GALNT18: variants seen among roughly 807,000 people sequenced by gnomAD.
The protein encoded by GALNT18 is GalNAc-transferase 18.
GALNT18 carries 44 observed loss-of-function variants against 69.5 expected under a neutral mutation model. The ratio of observed to expected loss-of-function variants is 0.63; its 90% CI spans 0.50 to 0.81. GALNT18 has a LOEUF of 0.81. Ranked by LOEUF, GALNT18 falls within the 40% of genes least tolerant of loss-of-function variation. GALNT18 has a pLI of 0.00. For synonymous variants in GALNT18, 364 were observed against 318.2 expected (o/e 1.14, Z -1.53); for missense variants, 715 against 810.0 (o/e 0.88, Z 1.42).
At chr11:11,611,850 A>G (rs1413050624) in intron 1 of GALNT18, among the ~76,000 whole-genome samples, 2 of 152,168 alleles carry the variant, frequency 1.3e-5, no homozygotes, top group Non-Finnish European at 2.9e-5. Flanking sequence ...AAGGCTGTCC[A>G]CAGCTTTGTG....
At chr11:11,580,765 C>T (rs1306545063) in intron 1 of GALNT18, among the ~76,000 whole-genome samples, 1 of 152,218 alleles carries the variant, frequency 6.6e-6, no homozygotes, top group Non-Finnish European at 1.5e-5. Context: ...ATCCCTAACT[C>T]ACTCCTGGGC....
intron 1 of GALNT18, among the ~76,000 whole-genome samples, chr11:11,528,390 C>G (rs1857566104): frequency 6.6e-6 from 1 of 152,098 alleles, no homozygotes; most frequent in Admixed American, 6.6e-5. Flanking sequence ...GACAAGTAAC[C>G]AAGGAGAGAA....
chr11:11,512,566 C>A (rs1010499646), intron 1 of GALNT18, among the ~76,000 whole-genome samples: 1 of 152,238 alleles, frequency 6.6e-6, no homozygotes, highest in Non-Finnish European at 1.5e-5. Flanking sequence ...CACATAGTTT[C>A]TTTCTGAGCC....
chr11:11,319,161 G>A (rs756217305), intron 9 of GALNT18, among the ~76,000 whole-genome samples: 11 of 152,038 alleles, frequency 7.2e-5, no homozygotes, highest in Admixed American at 3.9e-4. Context: ...TTGCTTAACC[G>A]TCTTACAAAG....
chr11:11,306,518 A>G (rs1849581811), intron 9 of GALNT18, among the ~76,000 whole-genome samples: 1 of 152,158 alleles, frequency 6.6e-6, no homozygotes, highest in African/African-American at 2.4e-5. Context: ...CCTGGGGAAA[A>G]TATAACCTGC....
At chr11:11,305,640 A>G (rs1849565115) in intron 9 of GALNT18, among the ~76,000 whole-genome samples, 2 of 152,096 alleles carry the variant, frequency 1.3e-5, no homozygotes, top group African/African-American at 2.4e-5. Flanking sequence ...TTTACTCATC[A>G]GTGGAAACAG....
intron 1 of GALNT18, among the ~76,000 whole-genome samples, chr11:11,537,040 T>C (rs35125862): frequency 0.16 from 24,149 of 152,212 alleles, 2,134 homozygotes; most frequent in Middle Eastern, 0.2. Flanking sequence ...TTATGTTTTA[T>C]ATAAAAATGA....
intron 2 of GALNT18, among the ~76,000 whole-genome samples, chr11:11,447,105 C>T (rs1450582632): frequency 2.0e-5 from 3 of 152,186 alleles, no homozygotes; most frequent in Non-Finnish European, 4.4e-5. Flanking sequence ...CTTACACACC[C>T]CATTCCAGCC....
At chr11:11,510,983 C>T (rs780089106) in intron 1 of GALNT18, among the ~76,000 whole-genome samples, 7 of 151,772 alleles carry the variant, frequency 4.6e-5, no homozygotes, top group Admixed American at 1.3e-4. Context: ...GGATGGTGCC[C>T]GGACAGACAC....
chr11:11,354,105 A>G (rs759633875), intron 6 of GALNT18, among the ~76,000 whole-genome samples: 2 of 152,230 alleles, frequency 1.3e-5, no homozygotes, highest in Non-Finnish European at 2.9e-5. Flanking sequence ...GGTATGCTAC[A>G]TCTTCTCTTA....
At chr11:11,472,698 A>G (rs1423898698) in intron 1 of GALNT18, among the ~76,000 whole-genome samples, 1 of 152,214 alleles carries the variant, frequency 6.6e-6, no homozygotes, top group East Asian at 1.9e-4. Flanking sequence ...TAAAAACACA[A>G]ACTAAATGCC....
In GALNT18 at chr11:11,564,860, G is replaced by C. The variant is rs1858603965; in HGVS notation, c.235+56499C>G. Among the ~76,000 whole-genome samples, 3 of 152,138 alleles carry C rather than the reference G, an allele frequency of 2.0e-5. No individual in the cohort carries two copies. Among genetic ancestry groups the C allele is most frequent in the Non-Finnish European group, 4.4e-5 (3 of 68,028 alleles). ...GCTACATTTCAAGTGTTCATAAGTG[G>C]CCTGTGTCTGCTCGATACCATAGTG... is the stretch of plus-strand genomic sequence containing the variant. On this transcript the variant is annotated intron_variant, in intron 1 of 10. Transcript: ENST00000227756. The surrounding 1 kb of genome is among the most constrained non-coding windows in gnomAD (Gnocchi z 4.3).
At chr11:11,379,388 G>T in intron 3 of GALNT18, 124 bp from the exon 4 acceptor site, 1 of 920,690 alleles carries the variant, frequency 1.1e-6, no homozygotes, top group Non-Finnish European at 1.6e-6. Flanking sequence ...TCCCCTCCCT[G>T]GGTCTTCTTC....
At chr11:11,353,508 A>G (rs1202810146) in intron 6 of GALNT18, among the ~76,000 whole-genome samples, 2 of 152,192 alleles carry the variant, frequency 1.3e-5, no homozygotes, top group East Asian at 3.9e-4. Context: ...CTCCTGGACC[A>G]TGTTTAATTT....
intron 1 of GALNT18, among the ~76,000 whole-genome samples, chr11:11,575,378 G>C (rs11602602): frequency 0.013 from 2,000 of 152,086 alleles, 20 homozygotes; most frequent in Non-Finnish European, 0.021. Context: ...CTAAACAGCT[G>C]TAGGCCCACT....
In GALNT18 at chr11:11,430,994, TC is replaced by T. The variant is rs1217526798; in HGVS notation, c.595+1626del. Among the ~76,000 whole-genome samples, 3 of 152,226 alleles carry T rather than the reference TC, an allele frequency of 2.0e-5. No homozygotes were observed. Among genetic ancestry groups the T allele is most frequent in the Non-Finnish European group, 2.9e-5 (2 of 68,052 alleles). ...AAACTCTTTAAGTTCAAATAGGAAA[TC>T]CTCTATATCTGATTCACTTTCCTTA... is the stretch of plus-strand genomic sequence containing the variant. On this transcript the variant is annotated intron_variant, in intron 3 of 10. Transcript: ENST00000227756. This position sits in a 1 kb window ranked among gnomAD's most constrained non-coding sequence, Gnocchi z 4.9.
At chr11:11,424,498 C>T (rs12578035) in intron 3 of GALNT18, among the ~76,000 whole-genome samples, 62,986 of 152,078 alleles carry the variant, frequency 0.41, 15,596 homozygotes, top group East Asian at 0.81. Context: ...CCACATCTAC[C>T]TCCCTGGGAG....
At chr11:11,276,144 T>TTGA (rs1399683928) in intron 10 of GALNT18, among the ~76,000 whole-genome samples, 7 of 152,210 alleles carry the variant, frequency 4.6e-5, no homozygotes, top group African/African-American at 1.7e-4. Flanking sequence ...TTTCATGATA[T>TTGA]TGATTCTTCC....
intron 1 of GALNT18, among the ~76,000 whole-genome samples, chr11:11,468,777 G>T (rs1255510480): frequency 6.6e-6 from 1 of 152,206 alleles, no homozygotes; most frequent in African/African-American, 2.4e-5. Context: ...GACCAGCTTT[G>T]TAAGCAGCTG....
Sources: allele counts gnomAD v4.1 joint callset (sites outside exome capture counted in the v4.1 genomes callset), GRCh38; gene constraint gnomAD v4.1.1; non-coding constraint Gnocchi (gnomAD v3.1); transcripts MANE v1.5; gene names NCBI Gene and HGNC (gene_info 2026-07-23, HGNC 2026-07-21).